The following IL7 variants were observed in gnomAD, a reference collection of about 807,000 sequenced individuals.
IL7 encodes interleukin 7.
IL7 carries 3 observed loss-of-function variants against 21.6 expected under a neutral mutation model. That is an observed-to-expected ratio of 0.14 (90% CI 0.06 to 0.36). The LOEUF (loss-of-function observed/expected upper bound fraction) is 0.36. IL7 is among the 10% of genes least tolerant of loss of function. IL7 has a pLI of 1.00. For missense variants in IL7, 175 were observed against 200.2 expected, an observed-to-expected ratio of 0.87 and a Z score of 0.76; for synonymous variants, 62 against 68.1, an observed-to-expected ratio of 0.91 and a Z score of 0.44.
chr8:78,793,215 A>G (rs1311819363), intron 2 of IL7, among the ~76,000 whole-genome samples: 1 of 152,198 alleles, frequency 6.6e-6, no homozygotes, highest in Non-Finnish European at 1.5e-5. Flanking sequence ...AGCAGAATGC[A>G]GAATAGTGGC....
chr8:78,730,737 G>A (rs1351972775), downstream of IL7, among the ~76,000 whole-genome samples: 1 of 151,910 alleles, frequency 6.6e-6, no homozygotes, highest in African/African-American at 2.4e-5. Context: ...GGAAGACAAA[G>A]ATCATAATTC....
intron 3 of IL7, among the ~76,000 whole-genome samples, chr8:78,725,781 A>T (rs1207803178): frequency 6.6e-6 from 1 of 152,026 alleles, no homozygotes; most frequent in African/African-American, 2.4e-5. Flanking sequence ...GAATTTGAGG[A>T]TTATCAGTAA....
chr8:78,682,995 A>G (rs763231871), intron 4 of IL7, among the ~76,000 whole-genome samples: 1 of 152,222 alleles, frequency 6.6e-6, no homozygotes, highest in South Asian at 2.1e-4. Context: ...CTTTGACTCC[A>G]TGTCTCACAT....
intron 2 of IL7, among the ~76,000 whole-genome samples, chr8:78,790,949 A>G (rs1813672573): frequency 6.6e-6 from 1 of 151,972 alleles, no homozygotes; most frequent in Admixed American, 6.6e-5. Context: ...AATGATTCAT[A>G]TTTCCCGATT....
At chr8:78,697,692 T>C (rs1272324393) in intron 3 of IL7, among the ~76,000 whole-genome samples, 1 of 151,912 alleles carries the variant, frequency 6.6e-6, no homozygotes, top group Non-Finnish European at 1.5e-5. Flanking sequence ...CTTTTTTTTT[T>C]TTTTTTGACG....
At chr8:78,747,507 C>T (rs1812023048) in intron 2 of IL7, among the ~76,000 whole-genome samples, 2 of 151,986 alleles carry the variant, frequency 1.3e-5, no homozygotes, top group African/African-American at 4.8e-5. Flanking sequence ...TTTAGGGGGC[C>T]TTTTAAAATG....
At chr8:78,760,576 G>T (rs1812518425) in intron 2 of IL7, 1 of 1,554,050 alleles carries the variant, frequency 6.4e-7, no homozygotes, top group Non-Finnish European at 8.7e-7. Flanking sequence ...CCAAAGTATT[G>T]AATTTGAGTT....
At chr8:78,712,359 G>T (rs997138281) in intron 3 of IL7, among the ~76,000 whole-genome samples, 9 of 151,928 alleles carry the variant, frequency 5.9e-5, no homozygotes, top group African/African-American at 2.2e-4. Flanking sequence ...GTTTCAAATT[G>T]CAGTCACATT....
intron 2 of IL7, among the ~76,000 whole-genome samples, chr8:78,788,095 T>G (rs2130823153): frequency 6.6e-6 from 1 of 152,308 alleles, no homozygotes; most frequent in East Asian, 1.9e-4. Flanking sequence ...GAATCAGTAG[T>G]GATGGCTCTC....
At chr8:78,728,463 T>A (rs1256925503), downstream of IL7, among the ~76,000 whole-genome samples, 1 of 152,040 alleles carries the variant, frequency 6.6e-6, no homozygotes, top group African/African-American at 2.4e-5. Context: ...TCCATAAATA[T>A]GCACACATAA....
In IL7 at chr8:78,738,631, C is replaced by A. The variant is rs765414814; in HGVS notation, c.233G>T (p.Gly78Val). 3.1e-6 allele frequency: 5 copies of A among 1,612,970 alleles called. No individual in the cohort carries two copies. Among genetic ancestry groups the A allele is most frequent in the South Asian group, 2.2e-5 (2 of 90,960 alleles). Residue 78 changes from glycine to valine, a missense_variant, in exon 4 of 6, where the codon GGT (glycine) becomes GTT (valine). Coordinates refer to ENST00000263851, the MANE Select transcript of IL7 (RefSeq NM_000880.4). ...KRHICDANKE[G>V]MFLFRAARKL... ...GCGAGCAGCACGGAATAAAAACATA[C>A]CTTCCTATTATAGGAAAAAGTCAGA...
At chr8:78,761,714 A>G in intron 2 of IL7, 3 of 1,611,936 alleles carry the variant, frequency 1.9e-6, no homozygotes, top group Non-Finnish European at 2.5e-6. Context: ...GATCTCTAGC[A>G]TCTGCCTCTG....
Position 78,736,196 on chromosome 8 carries a change from C to G in IL7, c.414+278G>C, listed in dbSNP as rs546056953. 2.7e-5 allele frequency among the ~76,000 whole-genome samples: 4 copies of G among 149,654 alleles called. 1 individual carries two copies. Among genetic ancestry groups the G allele is most frequent in the African/African-American group, 9.8e-5 (4 of 40,634 alleles). On this transcript the variant is annotated intron_variant, in intron 5 of 5. Coordinates refer to ENST00000263851, the MANE Select transcript of IL7 (RefSeq NM_000880.4). ...ATAAATTATTTGTTCATTTCTTTTA[C>G]GTGCTAGCTGCAATATTTTAATGCT...
At chr8:78,738,733 G>A in intron 3 of IL7, 98 bp from the exon 4 acceptor site, 1 of 1,056,326 alleles carries the variant, frequency 9.5e-7, no homozygotes, top group Non-Finnish European at 1.3e-6. Context: ...ATGTTGCTAG[G>A]TAATGCCCCG....
At chr8:78,717,231 A>G (rs1181611904), downstream of IL7, 112 of 1,078,184 alleles carry the variant, frequency 1.0e-4, no homozygotes, top group Non-Finnish European at 1.4e-4. Flanking sequence ...GAGATTAAGC[A>G]GGCTAATTGT....
chr8:78,746,818 T>G, intron 2 of IL7: 1 of 346,790 alleles, frequency 2.9e-6, no homozygotes, highest in Non-Finnish European at 5.6e-6. Context: ...CTATTGCTTT[T>G]TAGATCAACT....
chr8:78,793,633 C>A (rs1353546993), intron 2 of IL7, among the ~76,000 whole-genome samples: 2 of 152,108 alleles, frequency 1.3e-5, no homozygotes, highest in Non-Finnish European at 2.9e-5. Context: ...GCTGACTGAT[C>A]AGAGTGGTGG....
At chr8:78,751,930 CCCTTTTGTG>C (rs1439463216) in intron 2 of IL7, among the ~76,000 whole-genome samples, 1 of 152,146 alleles carries the variant, frequency 6.6e-6, no homozygotes, top group African/African-American at 2.4e-5. Context: ...CTCCCTCCTA[CCCTTTTGTG>C]CCTTTAATAC....
chr8:78,756,931 G>C (rs1812367728), intron 2 of IL7, among the ~76,000 whole-genome samples: 1 of 149,972 alleles, frequency 6.7e-6, no homozygotes, highest in African/African-American at 2.5e-5. Flanking sequence ...TATTAATTTT[G>C]GGCTTGGATC....
Sources: gnomAD v4.1 joint callset for allele counts (sites outside exome capture counted in the v4.1 genomes callset) on GRCh38, gnomAD v4.1.1 for gene constraint, MANE v1.5 for transcripts, NCBI Gene and HGNC (gene_info 2026-07-23, HGNC 2026-07-21) for gene names.